Variants in GPAT3 observed in about 807,000 individuals in gnomAD.
GPAT3 encodes the protein glycerol-3-phosphate acyltransferase 3, also known as 1-AGP acyltransferase 9.
In GPAT3, 53 loss-of-function variants were observed where a neutral mutation model predicts 58.8. The observed-to-expected ratio is 0.90, with a 90% CI of 0.72 to 1.13. The LOEUF (loss-of-function observed/expected upper bound fraction) is 1.13, where lower values mean the gene tolerates loss of function less well. GPAT3 is among the 50% of genes most tolerant of loss of function. The probability of loss-of-function intolerance (pLI) is 0.00; values close to 1 mark genes in which losing one functional copy is unlikely to be tolerated. For missense variants in GPAT3, 511 were observed against 527.6 expected (o/e 0.97, Z 0.31); for synonymous variants, 197 against 187.4 (o/e 1.05, Z -0.42).
At chr4:83,542,752 C>G (rs1218039591) in intron 1 of GPAT3, among the ~76,000 whole-genome samples, 2 of 152,278 alleles carry the variant, frequency 1.3e-5, no homozygotes, top group South Asian at 4.1e-4. Context: ...AATCCCAGCA[C>G]TTTGGGAGGC....
intron 2 of GPAT3, among the ~76,000 whole-genome samples, chr4:83,581,178 A>G (rs934685222): frequency 6.9e-6 from 1 of 145,030 alleles, no homozygotes; most frequent in Admixed American, 6.9e-5. Flanking sequence ...TTTTGATTTT[A>G]TGGTTTTTGT....
At chr4:83,590,095 A>T in intron 5 of GPAT3, 104 bp from the exon 6 acceptor site, 1 of 1,072,870 alleles carries the variant, frequency 9.3e-7, no homozygotes, top group Non-Finnish European at 1.3e-6. Context: ...GCGAAAAAAA[A>T]AATTACATAT....
At chr4:83,594,804 G>A (rs369331674) in intron 6 of GPAT3, 41 bp from the exon 7 acceptor site, 12 of 1,548,184 alleles carry the variant, frequency 7.8e-6, no homozygotes, top group African/African-American at 6.8e-5. Flanking sequence ...TTTGCACAAC[G>A]GTGCCTTTTA....
At chr4:83,548,834 C>T (rs1468311544) in intron 2 of GPAT3, among the ~76,000 whole-genome samples, 1 of 152,090 alleles carries the variant, frequency 6.6e-6, no homozygotes, top group Non-Finnish European at 1.5e-5. Context: ...CCCACCTAAA[C>T]ACTCAAAAAG....
chr4:83,597,212 T>C (rs1168855785), intron 8 of GPAT3, among the ~76,000 whole-genome samples: 1 of 152,172 alleles, frequency 6.6e-6, no homozygotes, highest in African/African-American at 2.4e-5. Flanking sequence ...CATAGGCCCA[T>C]AGAGTGTTCA....
At chr4:83,593,795 C>A (rs1726706006) in intron 6 of GPAT3, among the ~76,000 whole-genome samples, 2 of 152,158 alleles carry the variant, frequency 1.3e-5, no homozygotes, top group South Asian at 2.1e-4. Context: ...TCCTTCAATG[C>A]TGTTCTTTTA....
intron 2 of GPAT3, among the ~76,000 whole-genome samples, chr4:83,568,496 T>C (rs1327001126): frequency 4.0e-5 from 6 of 151,884 alleles, no homozygotes; most frequent in African/African-American, 7.3e-5. Context: ...TTTTTAACTT[T>C]TCATTTGTAT....
chr4:83,544,571 G>A lies in GPAT3; in HGVS notation c.177G>A (p.Lys59=), dbSNP rs745789827. 2.5e-6 allele frequency: 4 copies of A among 1,614,076 alleles called. No homozygotes were observed. The highest frequency in any genetic ancestry group is 2.2e-5 in the East Asian group (1 of 44,856). Residue 59 remains lysine, a synonymous_variant, in exon 2 of 12, where the codon AAG becomes AAA. Coordinates refer to ENST00000264409, the MANE Select transcript of GPAT3 (RefSeq NM_032717.5). ...TACGAATTGAAAAAGGAACCCCAAA[G>A]GAGTCGATTCTTAAAAACTCTGCTT... ...ATIRIEKGTP[K]ESILKNSASV...
rs188376295 is a variant in GPAT3 at position 83,581,954 on chromosome 4, C to A, written c.479+122C>A. On this transcript the variant is annotated intron_variant, in intron 3 of 11. Coordinates refer to ENST00000264409, the MANE Select transcript of GPAT3 (RefSeq NM_032717.5). ...TCCACCCATTCCCACGTAGGAAATG[C>A]CACCAAACATGACCTCTAAAGGAAT... is the stretch of plus-strand genomic sequence containing the variant. 853 of 1,321,966 alleles carry A rather than the reference C, an allele frequency of 6.5e-4. 8 individuals are homozygous for A. Among genetic ancestry groups the A allele is most frequent in the Middle Eastern group, 1.6e-3 (6 of 3,642 alleles). The allele number at this position is 1,321,966 out of a possible 1,614,324, so 81.9% of individuals were successfully genotyped here. A position where few individuals can be genotyped will look rare whatever the true frequency, so the allele number is the denominator to read the frequency against.
At chr4:83,568,576 A>C (rs944790461) in intron 2 of GPAT3, among the ~76,000 whole-genome samples, 4 of 149,358 alleles carry the variant, frequency 2.7e-5, no homozygotes, top group African/African-American at 9.9e-5. Flanking sequence ...GGCGCGATCT[A>C]GGCTCATTGC....
rs754025281 is a variant in GPAT3, at chr4:83,581,793, T to C, written c.440T>C (p.Leu147Pro). Reference protein sequence around the residue: ...ISLRLTMVWVLGVIVRYCVLL... With the variant: ...ISLRLTMVWVPGVIVRYCVLL... The stretch of plus-strand genomic sequence containing the variant: ...CTGCGGCTCACTATGGTGTGGGTGC[T>C]GGGCGTCATAGTGCGCTATTGTGTC... The change falls in exon 3 of 12, where the codon CTG (leucine) becomes CCG (proline). Residue 147 changes from leucine to proline, a missense_variant. Transcript: ENST00000264409. 1.9e-6 allele frequency: 3 copies of C among 1,614,160 alleles called. No individual in the cohort carries two copies. Among genetic ancestry groups the C allele is most frequent in the South Asian group, 1.1e-5 (1 of 91,084 alleles).
At chr4:83,544,436 A>C in intron 1 of GPAT3, 100 bp from the exon 2 acceptor site, 4 of 1,199,072 alleles carry the variant, frequency 3.3e-6, no homozygotes, top group Non-Finnish European at 5.0e-6. Flanking sequence ...AGACACTGCC[A>C]GAGCTTGATG....
chr4:83,595,789 C>G (rs1246496446), intron 7 of GPAT3, among the ~76,000 whole-genome samples: 1 of 152,210 alleles, frequency 6.6e-6, no homozygotes, highest in Middle Eastern at 3.4e-3. Context: ...TAGAGATGAG[C>G]TACCAGAAAC....
intron 2 of GPAT3, among the ~76,000 whole-genome samples, chr4:83,547,412 C>G (rs924484721): frequency 6.6e-6 from 1 of 151,634 alleles, no homozygotes; most frequent in African/African-American, 2.4e-5. Flanking sequence ...GCCACCACGC[C>G]CAGCTAATTT....
chr4:83,549,185 A>G (rs1724654388), intron 2 of GPAT3, among the ~76,000 whole-genome samples: 1 of 151,760 alleles, frequency 6.6e-6, no homozygotes, highest in Non-Finnish European at 1.5e-5. Flanking sequence ...AAAAAAGAAA[A>G]TTGAGGAATA....
In GPAT3 at chr4:83,594,915, G is replaced by A. The variant is rs1223784801; in HGVS notation, c.809G>A (p.Trp270Ter). Residue 270 changes from tryptophan (W) to a stop codon, truncating the protein, a stop_gained, in exon 7 of 12, where the codon TGG becomes TAG. Transcript: ENST00000264409. LOFTEE classifies it high-confidence loss of function. ...RAMVKACPHV[W>*]FERSEMKDRH... ...ATGGTCAAGGCTTGTCCTCATGTCT[G>A]GTTTGAACGCTCAGAAATGAAGGAT... is the stretch of plus-strand genomic sequence containing the variant. 6.2e-7 allele frequency: 1 copy of A among 1,613,810 alleles called. No individual in the cohort carries two copies.
Position 83,536,670 on chromosome 4 carries a change from G to T in GPAT3, c.48G>T (p.Thr16=), listed in dbSNP as rs762161577. The part of the protein sequence containing the change: ...LAGKILSTWL[T]LVLGFILLPS... ...GGAAGATCCTTTCCACCTGGCTGAC[G>T]CTGGTTCTCGGCTTCATCCTTTTAC... Residue 16 remains threonine, a synonymous_variant, in exon 1 of 12, where the codon ACG becomes ACT. Transcript: ENST00000264409. 5.0e-6 allele frequency: 8 copies of T among 1,613,496 alleles called. No individual in the cohort carries two copies. Among genetic ancestry groups the T allele is most frequent in the East Asian group, 2.2e-5 (1 of 44,876 alleles).
At chr4:83,556,287 A>G (rs1273427378) in intron 2 of GPAT3, among the ~76,000 whole-genome samples, 1 of 152,104 alleles carries the variant, frequency 6.6e-6, no homozygotes, top group Non-Finnish European at 1.5e-5. Context: ...GTTAAAATGA[A>G]ACTCTGTTAA....
chr4:83,560,439 G>A (rs186393307), intron 2 of GPAT3, among the ~76,000 whole-genome samples: 1 of 151,386 alleles, frequency 6.6e-6, no homozygotes, highest in East Asian at 1.9e-4. Flanking sequence ...GTATTTTTTT[G>A]TATTTAAGTG....
Sources: allele counts gnomAD v4.1 joint callset (sites outside exome capture counted in the v4.1 genomes callset), GRCh38; gene constraint gnomAD v4.1.1; transcripts MANE v1.5; gene names NCBI Gene and HGNC (gene_info 2026-07-23, HGNC 2026-07-21).